The following MACROD2 variants were observed in gnomAD, a reference collection of about 807,000 sequenced individuals.
MACROD2 encodes the protein ADP-ribose glycohydrolase MACROD2.
Under a neutral mutation model 70.4 loss-of-function variants are expected in MACROD2, and 36 were observed. The ratio of observed to expected loss-of-function variants is 0.51; its 90% CI spans 0.39 to 0.68. The LOEUF is 0.68. Ranked by LOEUF, MACROD2 falls within the 30% of genes least tolerant of loss-of-function variation. The pLI, the probability that MACROD2 is intolerant of heterozygous loss-of-function variation, is 0.00. For synonymous variants in MACROD2, 172 were observed against 178.8 expected, an observed-to-expected ratio of 0.96 and a Z score of 0.30; for missense variants, 496 against 538.4, an observed-to-expected ratio of 0.92 and a Z score of 0.78.
At chr20:15,545,112 G>A (rs2048009569) in intron 8 of MACROD2, among the ~76,000 whole-genome samples, 1 of 152,240 alleles carries the variant, frequency 6.6e-6, no homozygotes. Flanking sequence ...TGGGATGGAA[G>A]TAGACAATTC....
At chr20:15,533,995 A>G (rs909685392) in intron 8 of MACROD2, among the ~76,000 whole-genome samples, 10 of 152,196 alleles carry the variant, frequency 6.6e-5, no homozygotes, top group African/African-American at 2.4e-4. Context: ...CTTAGCCAAG[A>G]TATTTTTTTC....
intron 3 of MACROD2, among the ~76,000 whole-genome samples, chr20:14,480,542 TTAAATAA>T (rs1287022952): frequency 6.6e-6 from 1 of 152,322 alleles, no homozygotes; most frequent in African/African-American, 2.4e-5. Flanking sequence ...GAGAGATTTG[TTAAATAA>T]TAATAATTTT....
chr20:14,172,591 C>T (rs58951962), intron 3 of MACROD2, among the ~76,000 whole-genome samples: 27,064 of 152,160 alleles, frequency 0.18, 2,572 homozygotes, highest in South Asian at 0.24. Flanking sequence ...AGGCATGAGC[C>T]ACTGCACCCA....
intron 4 of MACROD2, among the ~76,000 whole-genome samples, chr20:14,682,457 C>T (rs2070944437): frequency 6.6e-6 from 1 of 150,634 alleles, no homozygotes; most frequent in South Asian, 2.1e-4. Context: ...ATATATATTA[C>T]ATTACATATA....
chr20:14,061,474 C>T (rs1369122553), intron 2 of MACROD2, among the ~76,000 whole-genome samples: 1 of 152,054 alleles, frequency 6.6e-6, no homozygotes, highest in Non-Finnish European at 1.5e-5. Flanking sequence ...TTTATGGTTT[C>T]ACATATCAGT....
chr20:15,867,756 C>A (rs1264529158), intron 9 of MACROD2, among the ~76,000 whole-genome samples: 2 of 151,992 alleles, frequency 1.3e-5, no homozygotes, highest in African/African-American at 4.8e-5. Context: ...TAATTTTCCC[C>A]GTAATAACAA....
intron 5 of MACROD2, among the ~76,000 whole-genome samples, chr20:15,097,416 A>C (rs2075841928): frequency 1.3e-5 from 2 of 152,310 alleles, no homozygotes; most frequent in African/African-American, 2.4e-5. Context: ...CTTGGTGTAT[A>C]GTTCAATTTT....
At chr20:14,870,651 G>A (rs193101562) in intron 5 of MACROD2, among the ~76,000 whole-genome samples, 2 of 152,004 alleles carry the variant, frequency 1.3e-5, no homozygotes, top group East Asian at 3.9e-4. Context: ...TGACTGGCAT[G>A]AGATGTATCT....
intron 6 of MACROD2, among the ~76,000 whole-genome samples, chr20:15,260,750 C>A (rs777194402): frequency 7.9e-5 from 12 of 151,934 alleles, no homozygotes; most frequent in Non-Finnish European, 1.5e-4. Context: ...GAAGGCTCCT[C>A]CCCTCTCTCC....
intron 4 of MACROD2, among the ~76,000 whole-genome samples, chr20:14,509,228 T>G (rs1019100463): frequency 6.6e-6 from 1 of 152,152 alleles, no homozygotes; most frequent in African/African-American, 2.4e-5. Flanking sequence ...TTTTTTGATT[T>G]TCATTAATGT....
intron 4 of MACROD2, among the ~76,000 whole-genome samples, chr20:14,643,001 AT>A (rs1214459099): frequency 6.6e-6 from 1 of 152,186 alleles, no homozygotes; most frequent in African/African-American, 2.4e-5. Context: ...ATTTAAAAAA[AT>A]AAAATAAAAA....
intron 11 of MACROD2, among the ~76,000 whole-genome samples, chr20:15,936,479 ATATT>A (rs956775947): frequency 6.8e-6 from 1 of 148,140 alleles, no homozygotes; most frequent in African/African-American, 2.5e-5. Flanking sequence ...TATATATAGT[ATATT>A]TATACATATG....
intron 4 of MACROD2, among the ~76,000 whole-genome samples, chr20:14,507,359 T>C (rs1244475343): frequency 6.6e-6 from 1 of 152,160 alleles, no homozygotes; most frequent in East Asian, 1.9e-4. Context: ...AAAAGTAGAA[T>C]GGTGATCACC....
chr20:14,990,714 A>G (rs966226422), intron 5 of MACROD2, among the ~76,000 whole-genome samples: 1 of 151,536 alleles, frequency 6.6e-6, no homozygotes, highest in Non-Finnish European at 1.5e-5. Flanking sequence ...GGGTTTCACC[A>G]TATTGGCCAG....
intron 4 of MACROD2, among the ~76,000 whole-genome samples, chr20:14,531,654 G>T (rs962448894): frequency 1.3e-5 from 2 of 152,136 alleles, no homozygotes; most frequent in African/African-American, 4.8e-5. Flanking sequence ...GATAATGGAG[G>T]TAACGTTTTG....
intron 6 of MACROD2, among the ~76,000 whole-genome samples, chr20:15,344,873 A>G (rs1404551178): frequency 3.3e-5 from 5 of 152,246 alleles, no homozygotes; most frequent in Non-Finnish European, 7.4e-5. Context: ...TTGCCCCCTT[A>G]TGTCTTAGTT....
intron 8 of MACROD2, among the ~76,000 whole-genome samples, chr20:15,631,307 G>A (rs531081278): frequency 4.6e-4 from 70 of 152,272 alleles, no homozygotes; most frequent in African/African-American, 1.7e-3. Flanking sequence ...AATATGAAGT[G>A]TATGTTCAGC....
intron 3 of MACROD2, among the ~76,000 whole-genome samples, chr20:14,274,070 A>G (rs372592822): frequency 6.6e-6 from 1 of 152,208 alleles, no homozygotes; most frequent in Non-Finnish European, 1.5e-5. Flanking sequence ...AGAGGTACAA[A>G]GAGGAACTGG....
chr20:15,271,834 G>A (rs948999324), intron 6 of MACROD2, among the ~76,000 whole-genome samples: 5 of 152,130 alleles, frequency 3.3e-5, no homozygotes, highest in African/African-American at 1.2e-4. Flanking sequence ...TTAAGGCACC[G>A]TGCTACCTAC....
Sources: gnomAD v4.1 joint callset for allele counts (sites outside exome capture counted in the v4.1 genomes callset) on GRCh38, gnomAD v4.1.1 for gene constraint, MANE v1.5 for transcripts, NCBI Gene and HGNC (gene_info 2026-07-23, HGNC 2026-07-21) for gene names.